DNAH17: variants seen among roughly 807,000 people sequenced by gnomAD.
The protein encoded by DNAH17 is axonemal beta dynein heavy chain 17.
In DNAH17, 376 loss-of-function variants were observed where a neutral mutation model predicts 485.6. That is an observed-to-expected ratio of 0.77 (90% CI 0.71 to 0.84). The LOEUF (loss-of-function observed/expected upper bound fraction) is 0.84, where lower values mean the gene tolerates loss of function less well. DNAH17 is among the 40% of genes least tolerant of loss of function. The probability of loss-of-function intolerance (pLI) is 0.00; values close to 1 mark genes in which losing one functional copy is unlikely to be tolerated. For synonymous variants in DNAH17, 3,031 were observed against 2,405.9 expected, an observed-to-expected ratio of 1.26 and a Z score of -7.60; for missense variants, 6,370 against 5,839.3, an observed-to-expected ratio of 1.09 and a Z score of -2.96.
intron 62 of DNAH17, among the ~76,000 whole-genome samples, chr17:78,457,378 A>G (rs1438156813): frequency 6.6e-6 from 1 of 151,080 alleles, no homozygotes; most frequent in African/African-American, 2.5e-5. Context: ...TGTCTCCAAA[A>G]CAAAACAAAA....
In DNAH17 at chr17:78,566,625, A is replaced by G. The variant is rs1400518518; in HGVS notation, c.1558T>C (p.Ser520Pro). ...QGFDDCSCIK[S>P]SAKLLYMCGG... The stretch of plus-strand genomic sequence containing the variant: ...CACTGCATGCTTACCTTTGCGGAGG[A>G]CTTGATACAGCTGCAGTCATCAAAT... The change falls in exon 11 of 81, where the codon TCC becomes CCC. Residue 520 changes from serine to proline, a missense_variant. Ser to Pro is a moderately conservative substitution (Grantham distance 74). Coordinates refer to ENST00000389840, the MANE Select transcript of DNAH17 (RefSeq NM_173628.4). 1 of 1,606,626 alleles carries G rather than the reference A, an allele frequency of 6.2e-7. No homozygotes were observed.
chr17:78,474,252 C>T (rs547163218), intron 54 of DNAH17, among the ~76,000 whole-genome samples: 8 of 152,368 alleles, frequency 5.3e-5, no homozygotes, highest in South Asian at 2.1e-4. Context: ...GGTCTGGCAT[C>T]GTCCTGGCCC....
At chr17:78,446,706 C>T (rs959340215) in intron 69 of DNAH17, among the ~76,000 whole-genome samples, 2 of 152,134 alleles carry the variant, frequency 1.3e-5, no homozygotes, top group Non-Finnish European at 2.9e-5. Context: ...CGCAGTAGCG[C>T]AATCTCGGCT....
chr17:78,535,603 T>C (rs1390559079), intron 19 of DNAH17, among the ~76,000 whole-genome samples: 1 of 152,194 alleles, frequency 6.6e-6, no homozygotes, highest in Non-Finnish European at 1.5e-5. Context: ...ATATATGTTA[T>C]GACAAATCAT....
intron 57 of DNAH17, among the ~76,000 whole-genome samples, chr17:78,462,549 G>A (rs145668942): frequency 2.0e-5 from 3 of 152,298 alleles, no homozygotes; most frequent in South Asian, 4.1e-4. Context: ...TGTATTGACT[G>A]CATTGGGCAT....
chr17:78,500,539 C>A (rs1379534430), intron 35 of DNAH17, 78 bp from the exon 36 acceptor site: 13 of 1,362,860 alleles, frequency 9.5e-6, no homozygotes, highest in Non-Finnish European at 1.3e-5. Context: ...GACAGAGTCT[C>A]ACTCTGTCAC....
intron 18 of DNAH17, among the ~76,000 whole-genome samples, 154 bp from the exon 19 acceptor site, chr17:78,537,635 C>T (rs1456024960): frequency 6.6e-6 from 1 of 152,208 alleles, no homozygotes; most frequent in Non-Finnish European, 1.5e-5. Flanking sequence ...GCACCCCGCT[C>T]CTTGAGCAAT....
At chr17:78,523,130 A>C (rs549711513) in intron 25 of DNAH17, among the ~76,000 whole-genome samples, 98 of 152,128 alleles carry the variant, frequency 6.4e-4, no homozygotes, top group Middle Eastern at 3.4e-3. Context: ...TGCTGGGATT[A>C]TAGGCATGAG....
rs2089234287 is a variant in DNAH17, at chr17:78,479,072, T to G, written c.7945A>C (p.Lys2649Gln). 2 of 1,613,874 alleles carry G rather than the reference T, an allele frequency of 1.2e-6. No homozygotes were observed. Among genetic ancestry groups the G allele is most frequent in the African/African-American group, 2.7e-5 (2 of 74,914 alleles). ...ITATFLPTAIKFHYVFNLRDL... is the reference protein window; with the variant it reads ...ITATFLPTAIQFHYVFNLRDL... ...CTGAGGTTGAAGACATAATGAAACT[T>G]AATGGCCGTGGGAAGAAATGTTGCC... The change falls in exon 51 of 81, where the codon AAG becomes CAG. Residue 2649 changes from lysine to glutamine, a missense_variant. Transcript: ENST00000389840.
chr17:78,446,427 C>T (rs1025899151), intron 69 of DNAH17, among the ~76,000 whole-genome samples: 3 of 151,984 alleles, frequency 2.0e-5, no homozygotes, highest in Admixed American at 6.6e-5. Flanking sequence ...CGACATGCCC[C>T]GTTTGCATCT....
At chr17:78,540,163 CTG>C (rs1464354944) in intron 17 of DNAH17, among the ~76,000 whole-genome samples, 5 of 151,818 alleles carry the variant, frequency 3.3e-5, no homozygotes, top group African/African-American at 1.2e-4. Flanking sequence ...CTCTAGCAAA[CTG>C]TTATTTATGC....
intron 65 of DNAH17, 93 bp downstream of exon 65, chr17:78,453,250 G>A (rs1450575529): frequency 6.6e-7 from 1 of 1,515,174 alleles, no homozygotes; most frequent in African/African-American, 1.4e-5. Context: ...GGAAGCAAAG[G>A]AAATTCCGGG....
At chr17:78,449,320 G>A (rs746139334) in intron 69 of DNAH17, 94 bp downstream of exon 69, 104 of 1,327,774 alleles carry the variant, frequency 7.8e-5, no homozygotes, top group Non-Finnish European at 1.1e-4. Flanking sequence ...GGTTTGGGTG[G>A]GGGCCCAACA....
At position 78,427,005 on chromosome 17, in the gene DNAH17, G is replaced by C. The variant is rs779552330; in HGVS notation, c.12692C>G (p.Ala4231Gly). Residue 4231 changes from alanine to glycine, a missense_variant, in exon 78 of 81, where the codon GCC (alanine) becomes GGC (glycine). By Grantham distance (60) the Ala-to-Gly change is moderately conservative (BLOSUM62 0). Coordinates refer to ENST00000389840, the MANE Select transcript of DNAH17 (RefSeq NM_173628.4). ...GTTCATTCTTTCACATTCTTGAAAG[G>C]CGACTACCACGTAGGGGGTCTTTTC... ...AAEKTPYVVV[A>G]FQECERMNIL... is the part of the protein sequence containing the mutation. The C allele has an allele frequency of 2.5e-6, 4 of 1,610,314 alleles. No individual in the cohort carries two copies. The highest frequency in any genetic ancestry group is 3.4e-6 in the Non-Finnish European group (4 of 1,178,482).
chr17:78,559,802 C>G (rs996885275), intron 13 of DNAH17, among the ~76,000 whole-genome samples: 8 of 152,108 alleles, frequency 5.3e-5, no homozygotes, highest in African/African-American at 1.9e-4. Flanking sequence ...CTACGACCTT[C>G]CCCTTTGCCC....
Position 78,440,041 on chromosome 17 carries a change from C to CAGAAGGA in DNAH17, c.11678-825_11678-824insTCCTTCT, listed in dbSNP as rs764633200. ...CTCCACTCCCCAAGCTCAAGTGATC[C>CAGAAGGA]TTCTGCCTTGGCCTCCAGAGTAGCT... On this transcript the variant is annotated intron_variant, in intron 72 of 80. Transcript: ENST00000389840. Among the ~76,000 whole-genome samples the CAGAAGGA allele has an allele frequency of 1.5e-3, 221 of 152,018 alleles. 1 individual carries two copies. Among genetic ancestry groups the CAGAAGGA allele is most frequent in the Non-Finnish European group, 2.7e-3 (181 of 67,980 alleles).
chr17:78,502,853 C>A (rs556187734), intron 32 of DNAH17, 33 bp downstream of exon 32: 22 of 1,605,878 alleles, frequency 1.4e-5, no homozygotes, highest in Non-Finnish European at 1.9e-5. Flanking sequence ...ATCTCAGCCA[C>A]GAGGCGCCGC....
chr17:78,423,806 ACC>A lies in DNAH17; in HGVS notation c.*98_*99del. 6.8e-7 allele frequency: 1 copy of A among 1,463,288 alleles called. No homozygotes were observed. The highest frequency in any genetic ancestry group is 9.3e-7 in the Non-Finnish European group (1 of 1,075,602). 90.6% of individuals were successfully genotyped at this position (1,463,288 alleles called of 1,614,324 possible). A position where few individuals can be genotyped will look rare whatever the true frequency, so the allele number is the denominator to read the frequency against. ...ACCTGATTATTTAAGAGAACGAAAA[ACC>A]ACCACCAGTTCCTGTAAAGAATAAG... On this transcript the variant is annotated 3_prime_UTR_variant, in exon 81 of 81. Transcript: ENST00000389840.
chr17:78,460,131 A>G, intron 59 of DNAH17, 31 bp downstream of exon 59: 1 of 1,585,466 alleles, frequency 6.3e-7, no homozygotes, highest in Non-Finnish European at 8.6e-7. Flanking sequence ...CAACCAGGCC[A>G]GGGGTCCCCT....
Sources: allele counts gnomAD v4.1 joint callset (sites outside exome capture counted in the v4.1 genomes callset), GRCh38; gene constraint gnomAD v4.1.1; transcripts MANE v1.5; gene names NCBI Gene and HGNC (gene_info 2026-07-23, HGNC 2026-07-21).